Variants in ICA1 observed in about 807,000 individuals in gnomAD.
ICA1 encodes islet cell autoantigen 1, also known as 69 kDa islet cell autoantigen.
ICA1 carries 40 observed loss-of-function variants against 71.0 expected under a neutral mutation model. The observed-to-expected ratio is 0.56, with a 90% CI of 0.44 to 0.73. The LOEUF is 0.73. Ranked by LOEUF, ICA1 falls within the 30% of genes least tolerant of loss-of-function variation. The pLI is 0.00. For missense variants in ICA1, 578 were observed against 576.5 expected (o/e 1.00, Z -0.03); for synonymous variants, 207 against 209.5 (o/e 0.99, Z 0.10).
At chr7:8,254,695 T>C (rs1471812107) in intron 1 of ICA1, among the ~76,000 whole-genome samples, 1 of 151,494 alleles carries the variant, frequency 6.6e-6, no homozygotes, top group African/African-American at 2.4e-5. Context: ...ACCCAGAAAG[T>C]TGCTTGAAGG....
In ICA1 at chr7:8,153,754, C is replaced by G. The variant is rs774857094; in HGVS notation, c.804+3362G>C. ...ATATTCCATTCCTAGCCCCATGACT[C>G]AATAATTTCTACCACGTGAAAGATA... is the stretch of plus-strand genomic sequence containing the variant. On this transcript the variant is annotated intron_variant, in intron 8 of 13. Transcript: ENST00000402384. 6.6e-5 allele frequency among the ~76,000 whole-genome samples: 10 copies of G among 151,386 alleles called. No individual in the cohort carries two copies. In the East Asian group the frequency reaches 1.9e-3, roughly 29 times the overall value.
At chr7:8,235,798 C>T (rs1221257360) in intron 2 of ICA1, 112 bp downstream of exon 2, 3 of 1,140,294 alleles carry the variant, frequency 2.6e-6, no homozygotes, top group Admixed American at 3.6e-5. Context: ...TGAGGGCTAA[C>T]ATGATACTTA....
At chr7:8,180,709 G>C (rs549213599) in intron 6 of ICA1, among the ~76,000 whole-genome samples, 6 of 152,160 alleles carry the variant, frequency 3.9e-5, no homozygotes, top group African/African-American at 1.4e-4. Context: ...TTTCCCTGAT[G>C]ATTGATAGTG....
chr7:8,143,837 G>A (rs1796024873), intron 9 of ICA1, 38 bp downstream of exon 9: 1 of 1,329,188 alleles, frequency 7.5e-7, no homozygotes, highest in East Asian at 2.3e-5. Context: ...TCTCACCTGT[G>A]GGAAGAAAGA....
intron 8 of ICA1, among the ~76,000 whole-genome samples, chr7:8,146,194 T>C (rs1412680161): frequency 6.6e-6 from 1 of 152,138 alleles, no homozygotes; most frequent in Non-Finnish European, 1.5e-5. Flanking sequence ...AGGCAGATAA[T>C]TAAAACCGAG....
chr7:8,117,040 T>G (rs566792711), intron 13 of ICA1, among the ~76,000 whole-genome samples: 24 of 152,258 alleles, frequency 1.6e-4, no homozygotes, highest in African/African-American at 5.8e-4. Flanking sequence ...CCCCATGCTG[T>G]TCTCCTGATA....
rs1791677046 is a variant in ICA1, at chr7:8,132,151, C to T, written c.1061-4009G>A. Among the ~76,000 whole-genome samples, 1 of 152,226 alleles carries T rather than the reference C, an allele frequency of 6.6e-6. No homozygotes were observed. The highest frequency in any genetic ancestry group is 1.5e-5 in the Non-Finnish European group (1 of 68,044). On this transcript the variant is annotated intron_variant, in intron 12 of 13. Coordinates refer to ENST00000402384, the MANE Select transcript of ICA1 (RefSeq NM_001136020.3). The surrounding 1 kb of genome is among the most constrained non-coding windows in gnomAD (Gnocchi z 4.5). Reference sequence around the variant, plus strand: ...AGAGCCAACAGACATGACGTACTCACATCCTCACCTGTCTCCAACTCCGTG... The same window carrying T: ...AGAGCCAACAGACATGACGTACTCATATCCTCACCTGTCTCCAACTCCGTG...
At chr7:8,150,409 G>A (rs1291356508) in intron 8 of ICA1, among the ~76,000 whole-genome samples, 1 of 152,216 alleles carries the variant, frequency 6.6e-6, no homozygotes, top group Non-Finnish European at 1.5e-5. Context: ...CCTGTGGCAG[G>A]TACTGTGCTC....
intron 8 of ICA1, among the ~76,000 whole-genome samples, chr7:8,146,645 C>T (rs1379987023): frequency 6.6e-6 from 1 of 151,616 alleles, no homozygotes; most frequent in Non-Finnish European, 1.5e-5. Context: ...AATGAGACAA[C>T]TGGAATATGG....
chr7:8,129,520 T>C lies in ICA1; in HGVS notation c.1061-1378A>G, dbSNP rs1432277110. ...GAGGGGAAGAATCTAGTCACTCTCA[T>C]GTCCCTGTGGTTTAAAAATAGTGGC... On this transcript the variant is annotated intron_variant, in intron 12 of 13. Transcript: ENST00000402384. 2.0e-5 allele frequency among the ~76,000 whole-genome samples: 3 copies of C among 152,294 alleles called. No homozygotes were observed. The East Asian group carries it at 5.8e-4, about 29-fold the overall frequency.
intron 6 of ICA1, among the ~76,000 whole-genome samples, chr7:8,168,958 C>G (rs926468396): frequency 6.6e-6 from 1 of 152,124 alleles, no homozygotes; most frequent in African/African-American, 2.4e-5. Flanking sequence ...ACTATGACCA[C>G]AATCATGATA....
intron 6 of ICA1, among the ~76,000 whole-genome samples, chr7:8,175,799 G>C: frequency 6.6e-6 from 1 of 152,266 alleles, no homozygotes; most frequent in African/African-American, 2.4e-5. Context: ...TATATCAAAT[G>C]TTGTACTGGA....
At chr7:8,159,168 C>T (rs1202123113) in intron 6 of ICA1, among the ~76,000 whole-genome samples, 1 of 152,134 alleles carries the variant, frequency 6.6e-6, no homozygotes, top group Non-Finnish European at 1.5e-5. Context: ...CACTAATGTC[C>T]TTTTTCTGTT....
At chr7:8,162,515 G>C (rs1260589032) in intron 6 of ICA1, among the ~76,000 whole-genome samples, 2 of 152,164 alleles carry the variant, frequency 1.3e-5, no homozygotes. Context: ...CAAGGACATA[G>C]CCAAGCATAG....
At chr7:8,218,814 C>T (rs1214961103) in intron 5 of ICA1, 2 of 412,036 alleles carry the variant, frequency 4.9e-6, no homozygotes, top group South Asian at 2.2e-5. Context: ...GGGCCAATCC[C>T]GTGTTCATGG....
chr7:8,258,538 G>A (rs772953587), intron 1 of ICA1, among the ~76,000 whole-genome samples: 1 of 152,174 alleles, frequency 6.6e-6, no homozygotes, highest in South Asian at 2.1e-4. Context: ...ACATCACGGA[G>A]TATCCTCGCA....
Position 8,252,999 on chromosome 7 carries a change from C to T in ICA1, c.-80+9095G>A, listed in dbSNP as rs1211082483. Among the ~76,000 whole-genome samples the T allele has an allele frequency of 2.6e-5, 4 of 152,234 alleles. No individual in the cohort carries two copies. In the South Asian group the frequency reaches 6.2e-4, roughly 24 times the overall value. On this transcript the variant is annotated intron_variant, in intron 1 of 13. Coordinates refer to ENST00000402384, the MANE Select transcript of ICA1 (RefSeq NM_001136020.3). ...TAGCTGGAATTATAAGCATGGCACA[C>T]GCCACAGCCCCCACCTTATTTCTTT...
chr7:8,113,914 G>A lies in ICA1; in HGVS notation c.*9C>T. The A allele has an allele frequency of 6.2e-7, 1 of 1,614,046 alleles. No individual in the cohort carries two copies. Among genetic ancestry groups the A allele is most frequent in the Non-Finnish European group, 8.5e-7 (1 of 1,179,976 alleles). On this transcript the variant is annotated 3_prime_UTR_variant, in exon 14 of 14. Transcript: ENST00000402384. This position sits in a 1 kb window ranked among gnomAD's most constrained non-coding sequence, Gnocchi z 4.2. ...GCGGCATGTGAGTGCCCTCCCGAAG[G>A]GTACAGATTCATGCATTGAGCAATT...
intron 6 of ICA1, among the ~76,000 whole-genome samples, chr7:8,189,091 C>G (rs2128292167): frequency 6.6e-6 from 1 of 152,264 alleles, no homozygotes; most frequent in East Asian, 1.9e-4. Flanking sequence ...TTACAGAACC[C>G]AGTGCCCATT....
Sources: gnomAD v4.1 joint callset for allele counts (sites outside exome capture counted in the v4.1 genomes callset) on GRCh38, gnomAD v4.1.1 for gene constraint, Gnocchi (gnomAD v3.1) non-coding constraint, MANE v1.5 for transcripts, NCBI Gene and HGNC (gene_info 2026-07-23, HGNC 2026-07-21) for gene names.